SAMD12: variants seen among roughly 807,000 people sequenced by gnomAD.
The protein encoded by SAMD12 is sterile alpha motif domain containing 12.
A neutral mutation model predicts 15.0 loss-of-function variants in SAMD12; 9 were observed. That is an observed-to-expected ratio of 0.60 (90% CI 0.36 to 1.05). The LOEUF (loss-of-function observed/expected upper bound fraction) is 1.05. SAMD12 is among the 50% of genes least tolerant of loss of function. SAMD12 has a pLI of 0.01. For synonymous variants in SAMD12, 86 were observed against 90.1 expected (o/e 0.96, Z 0.25); for missense variants, 230 against 234.2 (o/e 0.98, Z 0.12).
At chr8:118,582,151 A>G (rs17683196) in intron 1 of SAMD12, among the ~76,000 whole-genome samples, 8,992 of 152,206 alleles carry the variant, frequency 0.059, 381 homozygotes, top group Non-Finnish European at 0.089. Flanking sequence ...TTTTCCTCCC[A>G]CTATCCACTC....
At chr8:118,552,993 C>G (rs1276158291) in intron 2 of SAMD12, among the ~76,000 whole-genome samples, 1 of 152,068 alleles carries the variant, frequency 6.6e-6, no homozygotes, top group Non-Finnish European at 1.5e-5. Flanking sequence ...AGGACCTCTT[C>G]AAGGAGAACT....
chr8:118,382,951 T>C (rs1407970990), intron 3 of SAMD12, among the ~76,000 whole-genome samples: 1 of 152,148 alleles, frequency 6.6e-6, no homozygotes, highest in African/African-American at 2.4e-5. Flanking sequence ...AGATTGATGG[T>C]TCTGGAAAAT....
chr8:118,491,845 C>G (rs1237175886), intron 2 of SAMD12, among the ~76,000 whole-genome samples: 1 of 152,118 alleles, frequency 6.6e-6, no homozygotes, highest in Non-Finnish European at 1.5e-5. Flanking sequence ...GATCTATTCT[C>G]TTATTGATAG....
At chr8:118,465,763 A>T (rs1049312810) in intron 2 of SAMD12, among the ~76,000 whole-genome samples, 60 of 152,248 alleles carry the variant, frequency 3.9e-4, no homozygotes, top group African/African-American at 1.3e-3. Context: ...TTAGTATTCC[A>T]TGCATATGAT....
chr8:118,417,322 G>C (rs1306800078), intron 3 of SAMD12, among the ~76,000 whole-genome samples: 1 of 152,148 alleles, frequency 6.6e-6, no homozygotes, highest in Non-Finnish European at 1.5e-5. Context: ...AGTCTCAGGT[G>C]ATCCTCCCAC....
intron 4 of SAMD12, among the ~76,000 whole-genome samples, chr8:118,198,054 G>T (rs757908520): frequency 1.3e-4 from 20 of 152,372 alleles, no homozygotes; most frequent in Middle Eastern, 3.4e-3. Context: ...ACCATTTCAT[G>T]TATTATGAAG....
At chr8:118,402,434 G>A (rs1196426835) in intron 3 of SAMD12, among the ~76,000 whole-genome samples, 2 of 152,184 alleles carry the variant, frequency 1.3e-5, no homozygotes, top group East Asian at 1.9e-4. Context: ...AAACATCATG[G>A]AGAAAACACT....
chr8:118,281,508 T>C (rs1224220228), intron 4 of SAMD12, among the ~76,000 whole-genome samples: 2 of 152,214 alleles, frequency 1.3e-5, no homozygotes, highest in African/African-American at 2.4e-5. Context: ...GGATGACTTT[T>C]AATAGATATA....
At chr8:118,397,019 TTGAG>T (rs1820607962) in intron 3 of SAMD12, among the ~76,000 whole-genome samples, 1 of 152,168 alleles carries the variant, frequency 6.6e-6, no homozygotes, top group Non-Finnish European at 1.5e-5. Context: ...ATGGGGAAGA[TTGAG>T]TGAGCAAGGA....
intron 4 of SAMD12, among the ~76,000 whole-genome samples, chr8:118,315,565 G>A (rs996047065): frequency 2.0e-5 from 3 of 152,176 alleles, no homozygotes; most frequent in Non-Finnish European, 4.4e-5. Flanking sequence ...CATGGGAAGT[G>A]AGAGTGATGA....
At chr8:118,233,594 G>T (rs1250487544) in intron 4 of SAMD12, among the ~76,000 whole-genome samples, 1 of 152,108 alleles carries the variant, frequency 6.6e-6, no homozygotes, top group East Asian at 1.9e-4. Context: ...AAAATAAAGG[G>T]TATCAAGTGC....
intron 2 of SAMD12, among the ~76,000 whole-genome samples, chr8:118,504,636 G>A (rs990884986): frequency 2.6e-5 from 4 of 152,318 alleles, no homozygotes; most frequent in South Asian, 4.1e-4. Flanking sequence ...TTCAGATGAT[G>A]AGACCATCCC....
intron 4 of SAMD12, among the ~76,000 whole-genome samples, chr8:118,354,586 A>T (rs1318690341): frequency 6.6e-6 from 1 of 152,172 alleles, no homozygotes; most frequent in African/African-American, 2.4e-5. Flanking sequence ...ACCTCTGGTT[A>T]TTCACATTAA....
intron 4 of SAMD12, among the ~76,000 whole-genome samples, chr8:118,250,461 C>G (rs1397617422): frequency 1.3e-5 from 2 of 151,712 alleles, no homozygotes; most frequent in African/African-American, 2.4e-5. Context: ...CCCCCAAATA[C>G]CCCAAGGATT....
Position 118,411,555 on chromosome 8 carries a change from G to A in SAMD12, c.322+28277C>T, listed in dbSNP as rs563358893. On this transcript the variant is annotated intron_variant, in intron 3 of 3. Transcript: ENST00000314727. ...AATTATGTTTTAAAAGTAGGGCTTTGAAAAATCTTAAGGGCATTGTCCCAA... is the reference window on the plus strand; with the variant it reads ...AATTATGTTTTAAAAGTAGGGCTTTAAAAAATCTTAAGGGCATTGTCCCAA... Among the ~76,000 whole-genome samples, 10 of 152,228 alleles carry A rather than the reference G, an allele frequency of 6.6e-5. No homozygotes were observed. In the South Asian group the frequency reaches 2.1e-3, roughly 32 times the overall value.
chr8:118,299,567 G>A lies in SAMD12; in HGVS notation c.433+79993C>T, dbSNP rs28365516. Among the ~76,000 whole-genome samples the A allele has an allele frequency of 3.9e-5, 6 of 152,236 alleles. No homozygotes were observed. The East Asian group carries it at 1.2e-3, about 29-fold the overall frequency. Reference sequence around the variant, plus strand: ...TAAGGGGGGAATAGAGGGAAGCAAGGCAGAGCTGTCCAGTAATGAATGGGT... The same window carrying A: ...TAAGGGGGGAATAGAGGGAAGCAAGACAGAGCTGTCCAGTAATGAATGGGT... On this transcript the variant is annotated intron_variant, in intron 4 of 4. Coordinates refer to the SAMD12 transcript ENST00000409003.
chr8:118,221,297 C>T (rs754345229), intron 4 of SAMD12, among the ~76,000 whole-genome samples: 43 of 152,042 alleles, frequency 2.8e-4, no homozygotes, highest in Non-Finnish European at 5.3e-4. Context: ...AGAAGTGCTA[C>T]GTTAGTAGTG....
At chr8:118,206,396 T>G (rs1211493758) in intron 4 of SAMD12, among the ~76,000 whole-genome samples, 1 of 152,208 alleles carries the variant, frequency 6.6e-6, no homozygotes, top group Non-Finnish European at 1.5e-5. Context: ...CTGGATATAA[T>G]ACAGTGCAGT....
At chr8:118,589,979 T>A (rs776122663) in intron 1 of SAMD12, among the ~76,000 whole-genome samples, 1 of 152,076 alleles carries the variant, frequency 6.6e-6, no homozygotes, top group Non-Finnish European at 1.5e-5. Context: ...GACAACTGAA[T>A]GGTAAAGAGA....
Sources: allele counts gnomAD v4.1 joint callset (sites outside exome capture counted in the v4.1 genomes callset), GRCh38; gene constraint gnomAD v4.1.1; transcripts MANE v1.5; gene names NCBI Gene and HGNC (gene_info 2026-07-23, HGNC 2026-07-21).